The following LOC400499 variants were observed in gnomAD, a reference collection of about 807,000 sequenced individuals.
the LOC400499 span, among the ~76,000 whole-genome samples, chr16:11,436,132 C>T: frequency 1.3e-5 from 2 of 152,164 alleles, no homozygotes; most frequent in African/African-American, 4.8e-5. Flanking sequence ...AATGGGAGTT[C>T]TTACTGTACA....
At chr16:11,441,008 C>A in the LOC400499 span, 1 of 399,098 alleles carries the variant, frequency 2.5e-6, no homozygotes, top group Non-Finnish European at 4.4e-6. Flanking sequence ...TGTCATGATG[C>A]AAACCCTTCA....
At chr16:11,426,964 G>A in the LOC400499 span, among the ~76,000 whole-genome samples, 2 of 149,144 alleles carry the variant, frequency 1.3e-5, no homozygotes, top group Non-Finnish European at 3.0e-5. Context: ...TATATAAAGA[G>A]TATCTACAAA....
the LOC400499 span, among the ~76,000 whole-genome samples, chr16:11,495,134 G>C: frequency 5.9e-5 from 9 of 151,916 alleles, no homozygotes; most frequent in African/African-American, 9.7e-5. Flanking sequence ...CCTTGAACCC[G>C]GGAAGCAGAG....
the LOC400499 span, among the ~76,000 whole-genome samples, chr16:11,450,315 C>T: frequency 3.4e-4 from 52 of 152,352 alleles, no homozygotes; most frequent in African/African-American, 1.1e-3. Flanking sequence ...TGGCAAAAGC[C>T]GAATGTCCAT....
the LOC400499 span, among the ~76,000 whole-genome samples, chr16:11,463,671 ATGTG>A: frequency 1.8e-4 from 27 of 152,222 alleles, no homozygotes; most frequent in East Asian, 4.0e-3. Flanking sequence ...ATGTGTATGG[ATGTG>A]TGTGTACGGA....
chr16:11,526,245 T>C, the LOC400499 span, among the ~76,000 whole-genome samples: 2 of 152,202 alleles, frequency 1.3e-5, no homozygotes, highest in East Asian at 3.8e-4. Context: ...TTAATTTTAA[T>C]TAAACAAAAA....
the LOC400499 span, chr16:11,431,046 T>C: frequency 2.5e-6 from 1 of 399,088 alleles, no homozygotes; most frequent in Middle Eastern, 6.3e-4. Context: ...CCTCTTGAAG[T>C]GTCTCCTTCT....
At chr16:11,509,106 G>C in the LOC400499 span, among the ~76,000 whole-genome samples, 1 of 147,914 alleles carries the variant, frequency 6.8e-6, no homozygotes, top group Non-Finnish European at 1.5e-5. Flanking sequence ...GGAACACTGA[G>C]TATCCTTTTT....
At chr16:11,430,890 T>C in the LOC400499 span, 1 of 396,748 alleles carries the variant, frequency 2.5e-6, no homozygotes, top group Non-Finnish European at 4.4e-6. Flanking sequence ...AGGGAAATCA[T>C]CCATACCCCT....
At chr16:11,464,666 G>T in the LOC400499 span, among the ~76,000 whole-genome samples, 3 of 152,188 alleles carry the variant, frequency 2.0e-5, no homozygotes, top group Non-Finnish European at 2.9e-5. Context: ...GACTTGAAGG[G>T]GGGACCTCCT....
chr16:11,453,755 C>A, the LOC400499 span, among the ~76,000 whole-genome samples: 1 of 151,792 alleles, frequency 6.6e-6, no homozygotes, highest in African/African-American at 2.4e-5. Context: ...ATCACTTGAG[C>A]CCAGGAGTTT....
At chr16:11,427,854 A>G in the LOC400499 span, among the ~76,000 whole-genome samples, 3 of 152,178 alleles carry the variant, frequency 2.0e-5, no homozygotes, top group East Asian at 5.8e-4. Flanking sequence ...TTAGTCCATG[A>G]TGTGTATTAT....
chr16:11,455,308 T>G, the LOC400499 span, among the ~76,000 whole-genome samples: 325 of 152,246 alleles, frequency 2.1e-3, 1 homozygote, highest in African/African-American at 7.4e-3. Flanking sequence ...TCTTCTCTAG[T>G]AAGAAACCTA....
chr16:11,493,825 G>C, the LOC400499 span: 2 of 314,828 alleles, frequency 6.4e-6, no homozygotes, highest in African/African-American at 2.8e-5. Flanking sequence ...AGGACCATGA[G>C]GGGCAGTGGC....
chr16:11,435,793 C>T, the LOC400499 span: 1 of 399,324 alleles, frequency 2.5e-6, no homozygotes, highest in African/African-American at 2.1e-5. Flanking sequence ...CGTCGACCTC[C>T]AGCAGAACCA....
chr16:11,391,799 C>A, the LOC400499 span: 1 of 1,232,226 alleles, frequency 8.1e-7, no homozygotes, highest in Non-Finnish European at 1.0e-6. Flanking sequence ...TGGCCTCCCG[C>A]CCCGCCTGGG....
chr16:11,499,034 A>T, the LOC400499 span, among the ~76,000 whole-genome samples: 1 of 119,346 alleles, frequency 8.4e-6, no homozygotes, highest in African/African-American at 3.3e-5. Context: ...GAACATATGT[A>T]CAAATAAACG....
the LOC400499 span, chr16:11,457,051 C>A: frequency 6.6e-7 from 1 of 1,507,450 alleles, no homozygotes; most frequent in Non-Finnish European, 8.8e-7. Context: ...TGGAGAATGC[C>A]CACCCCCCCA....
At chr16:11,469,595 C>T in the LOC400499 span, 1 of 399,072 alleles carries the variant, frequency 2.5e-6, no homozygotes, top group East Asian at 3.6e-5. Context: ...ACCCCGACGT[C>T]CCTCAGCACT....
Sources: gnomAD v4.1 joint callset for allele counts (sites outside exome capture counted in the v4.1 genomes callset) on GRCh38, gnomAD v4.1.1 for gene constraint, MANE v1.5 for transcripts.